GABRA3: variants seen among roughly 807,000 people sequenced by gnomAD.
GABRA3 encodes gamma-aminobutyric acid receptor subunit alpha-3.
GABRA3 carries 10 observed loss-of-function variants against 30.1 expected under a neutral mutation model. The observed-to-expected ratio is 0.33, with a 90% CI of 0.20 to 0.56. The LOEUF is 0.56. Ranked by LOEUF, GABRA3 falls within the 20% of genes least tolerant of loss-of-function variation. The pLI is 0.89. For synonymous variants in GABRA3, 151 were observed against 146.8 expected (o/e 1.03, Z -0.21); for missense variants, 233 against 392.0 (o/e 0.59, Z 3.42).
chrX:152,338,806 G>A (rs1940271705), intron 3 of GABRA3, among the ~76,000 whole-genome samples: 1 of 111,982 alleles, frequency 8.9e-6, no homozygotes, highest in Admixed American at 9.5e-5. Context: ...ATCATTGTAT[G>A]TTCTTGGATC....
In GABRA3 at chrX:152,167,083, T is replaced by A. The variant is rs948584208; in HGVS notation, c.*1145A>T. ...ACTCAATATTGACTAGAGATATTTA[T>A]TTGTATGAATTTCCAATTCACCCCT... On this transcript the variant is annotated 3_prime_UTR_variant, in exon 10 of 10. Transcript: ENST00000370314. 9.8e-5 allele frequency: 11 copies of A among 112,153 alleles called. No individual in the cohort carries two copies. Among genetic ancestry groups the A allele is most frequent in the Non-Finnish European group, 2.1e-4 (11 of 53,292 alleles). The allele number at this position is 112,153 out of a possible 1,213,427, so 9.2% of individuals were successfully genotyped here.
At chrX:152,278,528 G>A (rs755099270) in intron 4 of GABRA3, among the ~76,000 whole-genome samples, 19 of 111,538 alleles carry the variant, frequency 1.7e-4, no homozygotes, top group Admixed American at 4.8e-4. Flanking sequence ...ATTTGGCTTG[G>A]TTCCAAGTCT....
intron 9 of GABRA3, among the ~76,000 whole-genome samples, chrX:152,170,356 C>T (rs1372259695): frequency 1.8e-5 from 2 of 112,585 alleles, no homozygotes; most frequent in East Asian, 5.6e-4. Context: ...GCTCTGTCAC[C>T]TGGGCTGGTG....
intron 6 of GABRA3, among the ~76,000 whole-genome samples, chrX:152,210,125 G>A (rs1292143604): frequency 8.9e-6 from 1 of 111,931 alleles, no homozygotes; most frequent in Non-Finnish European, 1.9e-5. Flanking sequence ...AACTTTCAAT[G>A]TTTTTTAATT....
intron 4 of GABRA3, among the ~76,000 whole-genome samples, 184 bp downstream of exon 4, chrX:152,284,484 G>A (rs1939254683): frequency 9.0e-6 from 1 of 111,523 alleles, no homozygotes; most frequent in Non-Finnish European, 1.9e-5. Flanking sequence ...CATTATATGT[G>A]AATAGGTGGG....
chrX:152,243,001 T>C (rs1317471665), intron 5 of GABRA3, among the ~76,000 whole-genome samples: 1 of 112,126 alleles, frequency 8.9e-6, no homozygotes, highest in African/African-American at 3.2e-5. Context: ...TAAAAAGATG[T>C]GGTATATATA....
intron 1 of GABRA3, among the ~76,000 whole-genome samples, chrX:152,396,231 G>A (rs1201442465): frequency 8.9e-6 from 1 of 111,772 alleles, no homozygotes; most frequent in Non-Finnish European, 1.9e-5. Flanking sequence ...AAACACTTGG[G>A]ATTACCAGAA....
chrX:152,447,112 A>G (rs777196862), intron 1 of GABRA3, among the ~76,000 whole-genome samples: 81 of 109,972 alleles, frequency 7.4e-4, no homozygotes, highest in African/African-American at 2.6e-3. Context: ...TTGTTTGTCT[A>G]TTTCTTCTCT....
intron 6 of GABRA3, among the ~76,000 whole-genome samples, chrX:152,208,881 C>G (rs1204086911): frequency 9.0e-6 from 1 of 111,533 alleles, no homozygotes; most frequent in Non-Finnish European, 1.9e-5. Context: ...AAATAAAACT[C>G]TTTTCTTTAT....
At chrX:152,369,711 G>A (rs1928779082) in intron 1 of GABRA3, among the ~76,000 whole-genome samples, 1 of 111,280 alleles carries the variant, frequency 9.0e-6, no homozygotes, top group Admixed American at 9.6e-5. Context: ...ACAGTTGTCT[G>A]CCCTATTTTT....
At chrX:152,178,041 C>CG (rs1937096057) in intron 9 of GABRA3, among the ~76,000 whole-genome samples, 3 of 111,243 alleles carry the variant, frequency 2.7e-5, no homozygotes, top group Non-Finnish European at 3.8e-5. Context: ...GTAAGGTAAA[C>CG]AACAAAATAG....
chrX:152,265,344 AT>A (rs1357286354), intron 4 of GABRA3, among the ~76,000 whole-genome samples: 1 of 111,701 alleles, frequency 9.0e-6, no homozygotes, highest in Non-Finnish European at 1.9e-5. Flanking sequence ...AATAAGAGGA[AT>A]TTTGGAAACT....
chrX:152,403,977 G>A (rs1186127515), intron 1 of GABRA3, among the ~76,000 whole-genome samples: 1 of 110,997 alleles, frequency 9.0e-6, no homozygotes, highest in Admixed American at 9.6e-5. Flanking sequence ...TTGTGTTGGA[G>A]AACTCAAGCA....
intron 3 of GABRA3, among the ~76,000 whole-genome samples, chrX:152,285,748 T>C (rs900854383): frequency 2.6e-4 from 29 of 110,194 alleles, no homozygotes; most frequent in African/African-American, 9.3e-4. Flanking sequence ...TCCTCATAGA[T>C]GGTGCCTTCT....
chrX:152,233,956 A>G (rs1264104672), intron 5 of GABRA3, among the ~76,000 whole-genome samples: 1 of 104,747 alleles, frequency 9.5e-6, no homozygotes, highest in Non-Finnish European at 1.9e-5. Context: ...ACAAAAAACC[A>G]AACACCGCAT....
At chrX:152,250,557 A>G (rs1222904637) in intron 5 of GABRA3, 1 of 111,627 alleles carries the variant, frequency 9.0e-6, no homozygotes, top group East Asian at 2.8e-4. Flanking sequence ...GAAGTTTTCT[A>G]TATATCCATA....
intron 2 of GABRA3, among the ~76,000 whole-genome samples, chrX:152,351,765 G>A (rs1239489570): frequency 9.0e-6 from 1 of 111,389 alleles, no homozygotes; most frequent in Non-Finnish European, 1.9e-5. Context: ...TCCTTACTAA[G>A]CTTAATCATT....
At chrX:152,200,837 A>T (rs1287320494) in intron 7 of GABRA3, among the ~76,000 whole-genome samples, 1 of 112,375 alleles carries the variant, frequency 8.9e-6, no homozygotes, top group African/African-American at 3.2e-5. Flanking sequence ...TGAATAACTG[A>T]CTCAAAATGG....
intron 1 of GABRA3, among the ~76,000 whole-genome samples, chrX:152,380,098 A>T (rs1929103564): frequency 8.9e-6 from 1 of 111,815 alleles, no homozygotes; most frequent in Non-Finnish European, 1.9e-5. Flanking sequence ...CTTACCTATC[A>T]TCTTTTTATG....
Sources: gnomAD v4.1 joint callset for allele counts (sites outside exome capture counted in the v4.1 genomes callset) on GRCh38, gnomAD v4.1.1 for gene constraint, MANE v1.5 for transcripts, NCBI Gene and HGNC (gene_info 2026-07-23, HGNC 2026-07-21) for gene names.